The following PLEKHG1 variants were observed in gnomAD, a reference collection of about 807,000 sequenced individuals.
PLEKHG1 encodes the protein pleckstrin homology and RhoGEF domain containing G1, also known as pleckstrin homology domain-containing family G member 1.
In PLEKHG1, 44 loss-of-function variants were observed where a neutral mutation model predicts 100.8. The ratio of observed to expected loss-of-function variants is 0.44; its 90% CI spans 0.34 to 0.56. PLEKHG1 has a LOEUF of 0.56. PLEKHG1 is among the 20% of genes least tolerant of loss of function. PLEKHG1 has a pLI of 0.01. For synonymous variants in PLEKHG1, 640 were observed against 662.5 expected (o/e 0.97, Z 0.52); for missense variants, 1,545 against 1,720.9 (o/e 0.90, Z 1.81).
chr6:150,777,758 T>C (rs995457118), intron 3 of PLEKHG1, among the ~76,000 whole-genome samples: 1 of 148,444 alleles, frequency 6.7e-6, no homozygotes, highest in African/African-American at 2.5e-5. Flanking sequence ...GGTTGCACAC[T>C]ACTCACACTG....
chr6:150,758,685 CT>C (rs1277891942), intron 2 of PLEKHG1, among the ~76,000 whole-genome samples: 1 of 152,194 alleles, frequency 6.6e-6, no homozygotes, highest in Non-Finnish European at 1.5e-5. Context: ...GAGATGGTAT[CT>C]TATTGTGGTT....
intron 3 of PLEKHG1, chr6:150,651,191 C>T (rs1217702953): frequency 3.3e-5 from 5 of 152,288 alleles, no homozygotes; most frequent in African/African-American, 9.6e-5. Context: ...CTGCAGGTAA[C>T]TGAAACTGCA....
intron 2 of PLEKHG1, among the ~76,000 whole-genome samples, chr6:150,749,807 C>T (rs1783389169): frequency 6.6e-6 from 1 of 152,180 alleles, no homozygotes; most frequent in Admixed American, 6.5e-5. Context: ...GGAGCGGTGG[C>T]TCATGCCTGT....
chr6:150,616,530 A>G (rs1259592111), intron 1 of PLEKHG1, among the ~76,000 whole-genome samples: 10 of 152,182 alleles, frequency 6.6e-5, no homozygotes, highest in Admixed American at 6.5e-4. Flanking sequence ...TTCTCTAGAG[A>G]AAAAAAGCCA....
chr6:150,673,861 G>A (rs1255050863), intron 3 of PLEKHG1, among the ~76,000 whole-genome samples: 1 of 152,022 alleles, frequency 6.6e-6, no homozygotes, highest in Non-Finnish European at 1.5e-5. Flanking sequence ...ATGAGCTTTT[G>A]CTATGTTGCT....
chr6:150,656,887 T>G (rs1236462291), intron 3 of PLEKHG1, among the ~76,000 whole-genome samples: 1 of 152,148 alleles, frequency 6.6e-6, no homozygotes, highest in Non-Finnish European at 1.5e-5. Context: ...AATATACCAT[T>G]CACTCTAGCT....
chr6:150,713,608 G>T (rs1294715144), intron 3 of PLEKHG1, among the ~76,000 whole-genome samples: 1 of 152,190 alleles, frequency 6.6e-6, no homozygotes, highest in Non-Finnish European at 1.5e-5. Flanking sequence ...ATTGCTGAGG[G>T]TCAGGTGTGG....
intron 3 of PLEKHG1, among the ~76,000 whole-genome samples, chr6:150,676,576 C>T (rs572313366): frequency 1.3e-5 from 2 of 152,174 alleles, no homozygotes; most frequent in South Asian, 2.1e-4. Flanking sequence ...CAGTTTATCC[C>T]GACGGTGTCA....
chr6:150,644,841 G>A (rs1266067749), intron 2 of PLEKHG1, among the ~76,000 whole-genome samples: 1 of 152,056 alleles, frequency 6.6e-6, no homozygotes, highest in Non-Finnish European at 1.5e-5. Context: ...AACATCACTG[G>A]AAGTTATTTT....
intron 2 of PLEKHG1, among the ~76,000 whole-genome samples, chr6:150,757,993 C>T (rs996763917): frequency 1.3e-5 from 2 of 152,100 alleles, no homozygotes; most frequent in South Asian, 2.1e-4. Context: ...TAACAGCTTC[C>T]GGCTCCATCC....
At chr6:150,663,825 T>G (rs996273961) in intron 3 of PLEKHG1, 1 of 152,244 alleles carries the variant, frequency 6.6e-6, no homozygotes, top group African/African-American at 2.4e-5. Flanking sequence ...GTACTGGGAT[T>G]ACAGGTGTGA....
At chr6:150,611,402 A>G (rs188983235) in intron 1 of PLEKHG1, among the ~76,000 whole-genome samples, 2 of 152,374 alleles carry the variant, frequency 1.3e-5, no homozygotes, top group Non-Finnish European at 1.5e-5. Context: ...GTTAAGTGGT[A>G]CAACAATTGC....
intron 4 of PLEKHG1, among the ~76,000 whole-genome samples, chr6:150,794,129 C>G (rs116309737): frequency 0.01 from 1,524 of 152,156 alleles, 28 homozygotes; most frequent in African/African-American, 0.035. Flanking sequence ...AATAGTGGAA[C>G]TGGGGCTGTG....
chr6:150,749,421 A>G (rs2128627667), intron 2 of PLEKHG1, among the ~76,000 whole-genome samples: 1 of 152,316 alleles, frequency 6.6e-6, no homozygotes, highest in Admixed American at 6.5e-5. Flanking sequence ...AATCTGAGCT[A>G]GGGGAACAAT....
At chr6:150,623,293 G>A (rs1434452579) in intron 1 of PLEKHG1, among the ~76,000 whole-genome samples, 2 of 152,174 alleles carry the variant, frequency 1.3e-5, no homozygotes, top group African/African-American at 4.8e-5. Context: ...TAACCTTGGG[G>A]AAAAACACTT....
chr6:150,794,661 C>T (rs1238872789), intron 4 of PLEKHG1, among the ~76,000 whole-genome samples: 1 of 151,260 alleles, frequency 6.6e-6, no homozygotes, highest in Admixed American at 6.6e-5. Context: ...AGTGAGGCTC[C>T]GTCTCAAAAA....
chr6:150,823,750 T>G, intron 14 of PLEKHG1, 74 bp downstream of exon 15: 1 of 1,006,366 alleles, frequency 9.9e-7, no homozygotes, highest in Non-Finnish European at 1.6e-6. Context: ...TCCCCATCTC[T>G]GTCATCTCCA....
chr6:150,838,972 C>T (rs1336660339), intron 15 of PLEKHG1, among the ~76,000 whole-genome samples: 1 of 152,130 alleles, frequency 6.6e-6, no homozygotes, highest in Non-Finnish European at 1.5e-5. Flanking sequence ...CAGACAATGG[C>T]AGTGGAGGGC....
At chr6:150,626,829 C>T (rs571977593) in intron 1 of PLEKHG1, among the ~76,000 whole-genome samples, 11 of 152,008 alleles carry the variant, frequency 7.2e-5, no homozygotes, top group South Asian at 2.1e-4. Context: ...TGTGTGTGTG[C>T]GTGTGTGTGT....
Sources: allele counts gnomAD v4.1 joint callset (sites outside exome capture counted in the v4.1 genomes callset), GRCh38; gene constraint gnomAD v4.1.1; transcripts MANE v1.5; gene names NCBI Gene and HGNC (gene_info 2026-07-23, HGNC 2026-07-21).